Variants in FER observed in about 807,000 individuals in gnomAD.
The protein encoded by FER is tyrosine-protein kinase Fer.
In FER, 63 loss-of-function variants were observed where a neutral mutation model predicts 111.0. The observed-to-expected ratio is 0.57, with a 90% CI of 0.46 to 0.70. The LOEUF (loss-of-function observed/expected upper bound fraction) is 0.70, where lower values mean the gene tolerates loss of function less well. Ranked by LOEUF, FER falls within the 30% of genes least tolerant of loss-of-function variation. The probability of loss-of-function intolerance (pLI) is 0.00; values close to 1 mark genes in which losing one functional copy is unlikely to be tolerated. For missense variants in FER, 914 were observed against 954.0 expected (o/e 0.96, Z 0.55); for synonymous variants, 327 against 313.9 (o/e 1.04, Z -0.44).
chr5:109,072,907 T>C (rs1385570640), intron 16 of FER, among the ~76,000 whole-genome samples: 1 of 152,094 alleles, frequency 6.6e-6, no homozygotes, highest in Non-Finnish European at 1.5e-5. Flanking sequence ...TCCTTGGTGT[T>C]TCTTAATTTG....
chr5:109,185,444 CTTTAAG>C (rs1475167130), intron 18 of FER, among the ~76,000 whole-genome samples: 3 of 152,022 alleles, frequency 2.0e-5, no homozygotes, highest in Admixed American at 1.3e-4. Context: ...TTCCTAATTG[CTTTAAG>C]TTTGTTTGTA....
intron 3 of FER, among the ~76,000 whole-genome samples, chr5:108,831,548 G>A (rs759281858): frequency 2.0e-5 from 3 of 152,028 alleles, no homozygotes; most frequent in East Asian, 1.9e-4. Context: ...TTTATAGGCC[G>A]CACATATGTT....
intron 17 of FER, among the ~76,000 whole-genome samples, chr5:109,158,239 C>T (rs1026152403): frequency 2.0e-5 from 3 of 151,580 alleles, no homozygotes; most frequent in Non-Finnish European, 2.9e-5. Flanking sequence ...AAAAATTAGC[C>T]GGGCTTGGTG....
rs372840734 is a variant in FER at position 108,788,683 on chromosome 5, TTCTGTCAACATTCAGTCTGTTGGTTTCA to T, written c.-59-9433_-59-9406del. 3.0e-3 allele frequency among the ~76,000 whole-genome samples: 458 copies of T among 152,298 alleles called. 2 individuals are homozygous for T. The highest frequency in any genetic ancestry group is 0.01 in the African/African-American group (434 of 41,562). On this transcript the variant is annotated intron_variant, in intron 2 of 19. Coordinates refer to ENST00000281092, the MANE Select transcript of FER (RefSeq NM_005246.4). ...GGGTTTTATCCTTGACTCTCTGCTT[TTCTGTCAACATTCAGTCTGTTGGTTTCA>T]TCTGTCACCTTTAAGTAATTGACTC...
intron 10 of FER, among the ~76,000 whole-genome samples, chr5:108,934,442 A>G (rs1055007053): frequency 1.3e-5 from 2 of 152,172 alleles, no homozygotes; most frequent in Non-Finnish European, 2.9e-5. Context: ...TAATTTTCAC[A>G]CTTATTTTTA....
intron 13 of FER, among the ~76,000 whole-genome samples, chr5:108,993,525 T>C (rs563256462): frequency 6.7e-6 from 1 of 149,228 alleles, no homozygotes; most frequent in South Asian, 2.1e-4. Flanking sequence ...AGAGGGAGAC[T>C]GTGGAAAGAG....
rs1759748087 is a variant in FER at position 109,196,406 on chromosome 5, TTTG to T, written c.*8837_*8839del. 6.6e-6 allele frequency: 1 copy of T among 152,232 alleles called. No homozygotes were observed. The highest frequency in any genetic ancestry group is 1.5e-5 in the Non-Finnish European group (1 of 68,036). The allele number at this position is 152,232 out of a possible 1,614,324, so 9.4% of individuals were successfully genotyped here. On this transcript the variant is annotated 3_prime_UTR_variant, in exon 20 of 20. Coordinates refer to ENST00000281092, the MANE Select transcript of FER (RefSeq NM_005246.4). ...TTAGGCTAAAGCACCTTTAATCATT[TTTG>T]TTGTTTTAAGATAATGTATTTGTGA...
At chr5:108,884,702 A>G (rs1452320773) in intron 9 of FER, among the ~76,000 whole-genome samples, 1 of 151,796 alleles carries the variant, frequency 6.6e-6, no homozygotes, top group African/African-American at 2.4e-5. Flanking sequence ...TCCTTTTTAA[A>G]TCTCCATATT....
At chr5:108,957,036 T>C (rs965068521) in intron 12 of FER, among the ~76,000 whole-genome samples, 3 of 151,624 alleles carry the variant, frequency 2.0e-5, no homozygotes, top group African/African-American at 7.2e-5. Flanking sequence ...AAATAGTTGA[T>C]CAATAAAAAG....
intron 13 of FER, among the ~76,000 whole-genome samples, chr5:109,031,628 T>G (rs1012706958): frequency 2.0e-5 from 3 of 152,202 alleles, no homozygotes; most frequent in Admixed American, 2.0e-4. Flanking sequence ...CACTGAACAT[T>G]ACTCCCCTTT....
rs146213687 is a variant in FER, at chr5:108,785,706, C to T, written c.-59-12418C>T. Among the ~76,000 whole-genome samples the T allele has an allele frequency of 1.8e-3, 267 of 152,266 alleles. 2 individuals are homozygous for T. The highest frequency in any genetic ancestry group is 6.0e-3 in the African/African-American group (250 of 41,544). On this transcript the variant is annotated intron_variant, in intron 2 of 19. Transcript: ENST00000281092. ...AATCTCTCTTGCTGGTGGTGTCTGGCTTCCTTGATATTTGTCAGAGGGACA... is the reference window on the plus strand; with the variant it reads ...AATCTCTCTTGCTGGTGGTGTCTGGTTTCCTTGATATTTGTCAGAGGGACA...
At chr5:108,784,002 G>C (rs1414397940) in intron 2 of FER, 1 of 152,454 alleles carries the variant, frequency 6.6e-6, no homozygotes, top group Non-Finnish European at 1.5e-5. Context: ...ACCTGTGAAG[G>C]CTGAGGTTCT....
chr5:109,030,745 G>A (rs1470464294), intron 13 of FER, among the ~76,000 whole-genome samples: 4 of 152,074 alleles, frequency 2.6e-5, no homozygotes, highest in Non-Finnish European at 5.9e-5. Flanking sequence ...ACCTTATTGT[G>A]GTGGGATTCT....
chr5:108,938,335 A>G (rs1054253547), intron 10 of FER, among the ~76,000 whole-genome samples: 2 of 152,054 alleles, frequency 1.3e-5, no homozygotes, highest in African/African-American at 4.8e-5. Context: ...AATTCTAAAG[A>G]AGCTAGAAGG....
chr5:109,099,096 G>A (rs1212617730), intron 16 of FER, among the ~76,000 whole-genome samples: 2 of 151,550 alleles, frequency 1.3e-5, no homozygotes, highest in African/African-American at 4.8e-5. Context: ...TAAAATTCTG[G>A]CTTAATATCT....
chr5:108,839,034 A>AT (rs199540741), intron 5 of FER, among the ~76,000 whole-genome samples: 1,568 of 152,282 alleles, frequency 0.01, 27 homozygotes, highest in African/African-American at 0.036. Context: ...CTTAACAAAC[A>AT]TTTAGATACA....
At chr5:109,000,606 G>T (rs974757095) in intron 13 of FER, among the ~76,000 whole-genome samples, 1 of 151,960 alleles carries the variant, frequency 6.6e-6, no homozygotes, top group African/African-American at 2.4e-5. Context: ...AGAGAAGCAA[G>T]AGCAAACACA....
rs551952229 is a variant in FER at position 109,090,968 on chromosome 5, A to G, written c.1925-9428A>G. ...TCTTGAATGCTTCTAGGAAAATGTG[A>G]GAAGACAGATACAGATTAAAGATGA... On this transcript the variant is annotated intron_variant, in intron 16 of 19. Coordinates refer to ENST00000281092, the MANE Select transcript of FER (RefSeq NM_005246.4). Among the ~76,000 whole-genome samples the G allele has an allele frequency of 1.4e-4, 21 of 152,320 alleles. No individual in the cohort carries two copies. In the East Asian group the frequency reaches 3.7e-3, roughly 27 times the overall value.
chr5:108,999,707 A>ATTTT (rs35747458), intron 13 of FER, among the ~76,000 whole-genome samples: 2 of 147,752 alleles, frequency 1.4e-5, no homozygotes, highest in African/African-American at 5.0e-5. Flanking sequence ...CATTCTTACT[A>ATTTT]TTTTTTTTTT....
Sources: gnomAD v4.1 joint callset for allele counts (sites outside exome capture counted in the v4.1 genomes callset) on GRCh38, gnomAD v4.1.1 for gene constraint, MANE v1.5 for transcripts, NCBI Gene and HGNC (gene_info 2026-07-23, HGNC 2026-07-21) for gene names.